The following VPS53 variants were observed in gnomAD, a reference collection of about 807,000 sequenced individuals.
The protein encoded by VPS53 is VPS53 subunit of GARP complex.
Under a neutral mutation model 107.0 loss-of-function variants are expected in VPS53, and 70 were observed. The observed-to-expected ratio is 0.65, with a 90% CI of 0.54 to 0.80. The LOEUF is 0.80. Ranked by LOEUF, VPS53 falls within the 30% of genes least tolerant of loss-of-function variation. VPS53 has a pLI of 0.00. For missense variants in VPS53, 917 were observed against 1,049.4 expected (o/e 0.87, Z 1.74); for synonymous variants, 409 against 393.3 (o/e 1.04, Z -0.47).
intron 17 of VPS53, among the ~76,000 whole-genome samples, chr17:544,601 T>G (rs753341688): frequency 5.3e-5 from 8 of 152,188 alleles, no homozygotes; most frequent in Non-Finnish European, 1.2e-4. Flanking sequence ...GCCTCCCAAG[T>G]AGCTAAAAGA....
chr17:581,437 C>T (rs945935656), intron 13 of VPS53, among the ~76,000 whole-genome samples: 2 of 151,672 alleles, frequency 1.3e-5, no homozygotes, highest in African/African-American at 2.4e-5. Context: ...AGAGAACTTC[C>T]CTCAAAACCT....
intron 4 of VPS53, among the ~76,000 whole-genome samples, chr17:696,950 G>A (rs1420954448): frequency 6.6e-6 from 1 of 152,096 alleles, no homozygotes; most frequent in Non-Finnish European, 1.5e-5. Context: ...GAGCCGCTGT[G>A]CCCGCTGTGC....
At chr17:606,833 T>C (rs1370650440) in intron 11 of VPS53, among the ~76,000 whole-genome samples, 1 of 151,986 alleles carries the variant, frequency 6.6e-6, no homozygotes, top group Non-Finnish European at 1.5e-5. Context: ...AACAGTTTCA[T>C]CTCGAAACCA....
At chr17:546,485 G>T (rs541280197) in intron 17 of VPS53, among the ~76,000 whole-genome samples, 1 of 152,176 alleles carries the variant, frequency 6.6e-6, no homozygotes, top group South Asian at 2.1e-4. Flanking sequence ...AAGGGGTCTA[G>T]TATCCAGATA....
intron 15 of VPS53, among the ~76,000 whole-genome samples, chr17:558,497 G>A (rs1291636410): frequency 2.0e-5 from 3 of 152,104 alleles, no homozygotes; most frequent in Non-Finnish European, 4.4e-5. Context: ...AGCCAGGCGT[G>A]GTGATGGGAA....
intron 4 of VPS53, among the ~76,000 whole-genome samples, chr17:682,265 T>C (rs778876406): frequency 2.0e-5 from 3 of 152,124 alleles, no homozygotes; most frequent in Non-Finnish European, 4.4e-5. Flanking sequence ...TGCCATACTA[T>C]ATGCTGCATG....
At position 562,754 on chromosome 17, in the gene VPS53, A is replaced by G. The variant is rs77922310; in HGVS notation, c.1314-9T>C. On this transcript the variant is annotated splice_polypyrimidine_tract_variant and intron_variant, in intron 13 of 21. Coordinates refer to ENST00000437048, the MANE Select transcript of VPS53 (RefSeq NM_001128159.3). ...TCAGCTCTCCGAGGTTCCTAGGAGG[A>G]AAAAAAAAAACCAAAAATGTTATTT... is the stretch of plus-strand genomic sequence containing the variant. 9.0e-6 allele frequency: 10 copies of G among 1,111,932 alleles called. No homozygotes were observed. Among genetic ancestry groups the G allele is most frequent in the African/African-American group, 1.8e-5 (1 of 55,856 alleles). 68.9% of individuals were successfully genotyped at this position (1,111,932 alleles called of 1,614,324 possible).
chr17:570,887 A>G (rs535020664), intron 13 of VPS53, among the ~76,000 whole-genome samples: 7 of 152,184 alleles, frequency 4.6e-5, no homozygotes. Flanking sequence ...TTAAGCAGTA[A>G]TGTTGTATCA....
Position 524,064 on chromosome 17 carries a change from C to T in VPS53, c.2086-2326G>A, listed in dbSNP as rs150212198. Among the ~76,000 whole-genome samples, 597 of 151,996 alleles carry T rather than the reference C, an allele frequency of 3.9e-3. 4 individuals are homozygous for T. The highest frequency in any genetic ancestry group is 0.014 in the Middle Eastern group (4 of 294). Reference sequence around the variant, plus strand: ...CTGTAATCCCAGCATTTTGGGAGGCCGAGGCGGGTGGATCATCTGAGGTCA... The same window carrying T: ...CTGTAATCCCAGCATTTTGGGAGGCTGAGGCGGGTGGATCATCTGAGGTCA... On this transcript the variant is annotated intron_variant, in intron 19 of 21. Transcript: ENST00000437048. This position sits in a 1 kb window ranked among gnomAD's most constrained non-coding sequence, Gnocchi z 4.5.
rs1908667675 is a variant in VPS53, at chr17:520,673, G to C, written c.2224-743C>G. On this transcript the variant is annotated intron_variant, in intron 20 of 21. Coordinates refer to ENST00000437048, the MANE Select transcript of VPS53 (RefSeq NM_001128159.3). This position sits in a 1 kb window ranked among gnomAD's most constrained non-coding sequence, Gnocchi z 4.4. ...GACTGAAGGGAAGAGTGGCGAGGAGGAGTTCACTCAGGCATCCTCTGCCGA... is the reference window on the plus strand; with the variant it reads ...GACTGAAGGGAAGAGTGGCGAGGAGCAGTTCACTCAGGCATCCTCTGCCGA... Among the ~76,000 whole-genome samples, 2 of 152,214 alleles carry C rather than the reference G, an allele frequency of 1.3e-5. No homozygotes were observed. The highest frequency in any genetic ancestry group is 2.9e-5 in the Non-Finnish European group (2 of 68,046).
chr17:561,364 G>A (rs1303063777), intron 14 of VPS53, among the ~76,000 whole-genome samples: 1 of 152,168 alleles, frequency 6.6e-6, no homozygotes, highest in Non-Finnish European at 1.5e-5. Context: ...CCACTTCTGT[G>A]AACAGTCTCT....
At chr17:539,801 C>T (rs773769847) in intron 17 of VPS53, among the ~76,000 whole-genome samples, 34 of 152,246 alleles carry the variant, frequency 2.2e-4, no homozygotes, top group South Asian at 4.1e-4. Flanking sequence ...AAACATACGT[C>T]GTCTCATTTA....
At chr17:709,317 A>G (rs1024620173) in intron 2 of VPS53, among the ~76,000 whole-genome samples, 2 of 152,152 alleles carry the variant, frequency 1.3e-5, no homozygotes, top group Admixed American at 6.5e-5. Context: ...TTCTCCCTAC[A>G]CTAGACTCCA....
At chr17:548,928 G>A (rs1043670764) in intron 17 of VPS53, among the ~76,000 whole-genome samples, 14 of 152,186 alleles carry the variant, frequency 9.2e-5, no homozygotes, top group East Asian at 7.7e-4. Flanking sequence ...GGCCTTCTTT[G>A]CCTCCCCACC....
In VPS53 at chr17:662,081, A is replaced by AC. The variant is rs144528860; in HGVS notation, c.286-187dup. Among the ~76,000 whole-genome samples the AC allele has an allele frequency of 7.5e-3, 1,149 of 152,308 alleles. 16 individuals are homozygous for AC. The highest frequency in any genetic ancestry group is 0.026 in the African/African-American group (1,098 of 41,544). On this transcript the variant is annotated intron_variant, in intron 4 of 21. Transcript: ENST00000437048. ...GAGTCCAGTGGCTGCGAACAGGTAAACACTCGGGACTCTTACCAATGTTCC... is the reference window on the plus strand; with the variant it reads ...GAGTCCAGTGGCTGCGAACAGGTAAACCACTCGGGACTCTTACCAATGTTCC...
chr17:628,330 CT>C, intron 8 of VPS53, 99 bp from the exon 9 acceptor site: 1 of 1,379,728 alleles, frequency 7.2e-7, no homozygotes, highest in Admixed American at 2.3e-5. Context: ...CATTGTCAGT[CT>C]TACTCCTGCT....
intron 7 of VPS53, among the ~76,000 whole-genome samples, chr17:635,574 T>C (rs1970164150): frequency 1.3e-5 from 2 of 152,228 alleles, no homozygotes; most frequent in African/African-American, 4.8e-5. Flanking sequence ...AATTTTTGTA[T>C]AAGGTGTAAG....
intron 17 of VPS53, chr17:539,039 T>G (rs146498818): frequency 0.015 from 2,326 of 152,330 alleles, 36 homozygotes; most frequent in Middle Eastern, 0.061. Flanking sequence ...GCAGCAGGAC[T>G]CGGAGCAGAA....
At chr17:572,838 G>C (rs556477478) in intron 13 of VPS53, among the ~76,000 whole-genome samples, 5 of 150,518 alleles carry the variant, frequency 3.3e-5, no homozygotes, top group Admixed American at 2.6e-4. Flanking sequence ...CAGCATGCTC[G>C]TTAAGAGTCA....
Sources: gnomAD v4.1 joint callset for allele counts (sites outside exome capture counted in the v4.1 genomes callset) on GRCh38, gnomAD v4.1.1 for gene constraint, Gnocchi (gnomAD v3.1) non-coding constraint, MANE v1.5 for transcripts, NCBI Gene and HGNC (gene_info 2026-07-23, HGNC 2026-07-21) for gene names.